PTPRB: variants seen among roughly 807,000 people sequenced by gnomAD.
The protein encoded by PTPRB is receptor-type tyrosine-protein phosphatase beta.
Under a neutral mutation model 238.1 loss-of-function variants are expected in PTPRB, and 97 were observed. The ratio of observed to expected loss-of-function variants is 0.41; its 90% CI spans 0.35 to 0.48. The LOEUF (loss-of-function observed/expected upper bound fraction) is 0.48, where lower values mean the gene tolerates loss of function less well. Among genes scored for constraint, PTPRB ranks in the 20% least tolerant of loss-of-function variants. The pLI is 0.30. For missense variants in PTPRB, 2,292 were observed against 2,681.9 expected, an observed-to-expected ratio of 0.85 and a Z score of 3.21; for synonymous variants, 970 against 995.4, an observed-to-expected ratio of 0.97 and a Z score of 0.48.
Position 70,569,798 on chromosome 12 carries a change from T to C in PTPRB, c.3511A>G (p.Thr1171Ala), listed in dbSNP as rs893347394. ...TGCTCAAAGACGTGCTTGGGAATAG[T>C]CTGAGAGTCAACCTTTTGACTGTGC... Reference protein sequence around the residue: ...FRHSQKVDSQTIPKHVFEHTF... With the variant: ...FRHSQKVDSQAIPKHVFEHTF... Residue 1171 changes from threonine to alanine, a missense_variant, in exon 14 of 34, where the codon ACT (threonine) becomes GCT (alanine). Physicochemically the swap from Thr to Ala is moderately conservative, Grantham distance 58. Transcript: ENST00000334414. The C allele has an allele frequency of 6.2e-7, 1 of 1,613,912 alleles. No homozygotes were observed. The highest frequency in any genetic ancestry group is 8.5e-7 in the Non-Finnish European group (1 of 1,179,886).
chr12:70,539,069 A>T, intron 26 of PTPRB, 55 bp from the exon 27 acceptor site: 1 of 1,317,740 alleles, frequency 7.6e-7, no homozygotes, highest in East Asian at 2.3e-5. Flanking sequence ...AATAAAGCAA[A>T]TCATACAGTC....
chr12:70,581,492 G>A (rs1881391005), intron 9 of PTPRB, among the ~76,000 whole-genome samples, 190 bp from the exon 10 acceptor site: 1 of 152,136 alleles, frequency 6.6e-6, no homozygotes, highest in African/African-American at 2.4e-5. Context: ...CTAGTACTTT[G>A]AAAAAGCTGC....
Position 70,552,784 on chromosome 12 carries a change from C to T in PTPRB, c.5380G>A (p.Ala1794Thr), listed in dbSNP as rs1877087303. ...FCDGPLKPHT[A>T]YRISIRAFTQ... ...AGTGGTAATATATCTAACCTGTAGG[C>T]AGTGTGTGGCTTCAGTGGTCCATCA... Residue 1794 changes from alanine to threonine, a missense_variant, in exon 21 of 34, where the codon GCC becomes ACC. This residue lies in a region of PTPRB where 7 missense variants were observed against 30.0 expected (regional missense o/e 0.23). Transcript: ENST00000334414. 2.5e-6 allele frequency: 4 copies of T among 1,613,946 alleles called. No homozygotes were observed. Among genetic ancestry groups the T allele is most frequent in the Non-Finnish European group, 3.4e-6 (4 of 1,179,850 alleles).
rs1872076914 is a variant in PTPRB, at chr12:70,524,653, ACT to A, written c.6505-64_6505-63del. On this transcript the variant is annotated intron_variant, in intron 32 of 33. Coordinates refer to ENST00000334414, the MANE Select transcript of PTPRB (RefSeq NM_001109754.4). The stretch of plus-strand genomic sequence containing the variant: ...TTCTCATGCATAAGAAAGATGAGAA[ACT>A]CACAAACTGTTGACAATGATGGGAT... 3.4e-6 allele frequency: 5 copies of A among 1,483,218 alleles called. No individual in the cohort carries two copies. The African/African-American group carries it at 7.1e-5, about 21-fold the overall frequency. 91.9% of individuals were successfully genotyped at this position (1,483,218 alleles called of 1,614,324 possible).
rs112500006 is a variant in PTPRB at position 70,594,540 on chromosome 12, G to A, written c.1443C>T (p.Gly481=). Residue 481 remains glycine (G), a synonymous_variant, in exon 6 of 34, where the codon GGC becomes GGT. Transcript: ENST00000334414. ...TCATAACAGTGAGGTTGTAGAGGTAGCCAGGGGTCAGCCCGTGAAAAGCAT... is the reference window on the plus strand; with the variant it reads ...TCATAACAGTGAGGTTGTAGAGGTAACCAGGGGTCAGCCCGTGAAAAGCAT... ...TSYAFHGLTP[G]YLYNLTVMTE... 3.0e-4 allele frequency: 481 copies of A among 1,613,854 alleles called. No individual in the cohort carries two copies. Among genetic ancestry groups the A allele is most frequent in the Non-Finnish European group, 3.8e-4 (453 of 1,179,896 alleles).
In PTPRB at chr12:70,553,012, C is replaced by T. The variant is rs2136300387; in HGVS notation, c.5152G>A (p.Glu1718Lys). The stretch of plus-strand genomic sequence containing the variant: ...GGGTGCTGCTGTTCTGGCTTCAGCT[C>T]ATCACTGCCTGGAGGAGAAAACCCA... ...VVVREADGSD[E>K]LKPEQQHPLP... Residue 1718 changes from glutamate (E) to lysine (K), a missense_variant, in exon 21 of 34, where the codon GAG (glutamate) becomes AAG (lysine). Physicochemically the swap from Glu to Lys is moderately conservative, Grantham distance 56 (BLOSUM62 1). Around this residue, in one of 4 missense-constraint regions of PTPRB, gnomAD observed 683 missense variants for 862.0 expected, o/e 0.79. Coordinates refer to ENST00000334414, the MANE Select transcript of PTPRB (RefSeq NM_001109754.4). 1 of 1,613,604 alleles carries T rather than the reference C, an allele frequency of 6.2e-7. No homozygotes were observed. Among genetic ancestry groups the T allele is most frequent in the Non-Finnish European group, 8.5e-7 (1 of 1,179,626 alleles).
intron 33 of PTPRB, among the ~76,000 whole-genome samples, chr12:70,523,638 G>A (rs1871926677): frequency 6.6e-6 from 1 of 152,080 alleles, no homozygotes; most frequent in South Asian, 2.1e-4. Context: ...GAGATACCTT[G>A]TGAAACTGCT....
chr12:70,531,207 C>T (rs1873184281), intron 32 of PTPRB, among the ~76,000 whole-genome samples: 2 of 152,082 alleles, frequency 1.3e-5, no homozygotes, highest in Non-Finnish European at 2.9e-5. Context: ...AGGAAGCTCT[C>T]TTTTTATGGA....
intron 4 of PTPRB, among the ~76,000 whole-genome samples, chr12:70,607,223 C>G (rs1592582590): frequency 6.6e-6 from 1 of 152,340 alleles, no homozygotes. Flanking sequence ...CAACCATATT[C>G]TGGCTTCTTA....
chr12:70,527,651 C>A (rs1872616751), intron 32 of PTPRB: 1 of 152,184 alleles, frequency 6.6e-6, no homozygotes, highest in South Asian at 2.1e-4. Context: ...TCACAAATCC[C>A]CTGACCAATG....
At chr12:70,556,180 G>C in intron 18 of PTPRB, 32 bp from the exon 19 acceptor site, 2 of 1,569,702 alleles carry the variant, frequency 1.3e-6, no homozygotes, top group Non-Finnish European at 1.7e-6. Flanking sequence ...ACACTTTTCA[G>C]AACTCAGGGA....
chr12:70,537,313 GAAAT>G (rs1874317256), intron 28 of PTPRB, among the ~76,000 whole-genome samples: 25 of 132,534 alleles, frequency 1.9e-4, no homozygotes, highest in African/African-American at 5.6e-4. Context: ...AAAAAAGAAA[GAAAT>G]ACAGATTCCC....
Position 70,576,370 on chromosome 12 carries a change from A to T in PTPRB, c.2842+12T>A. On this transcript the variant is annotated intron_variant, in intron 11 of 33. Transcript: ENST00000334414. ...GGTTCTTACGGAGCCCTGAACCTTCATACAGCCTTACCTGTCCGCTCTTGG... is the reference window on the plus strand; with the variant it reads ...GGTTCTTACGGAGCCCTGAACCTTCTTACAGCCTTACCTGTCCGCTCTTGG... The T allele has an allele frequency of 6.2e-7, 1 of 1,610,484 alleles. No homozygotes were observed. The highest frequency in any genetic ancestry group is 8.5e-7 in the Non-Finnish European group (1 of 1,178,524).
chr12:70,583,587 A>C (rs536785420), intron 9 of PTPRB, among the ~76,000 whole-genome samples: 6 of 152,288 alleles, frequency 3.9e-5, no homozygotes, highest in African/African-American at 1.4e-4. Flanking sequence ...AGTGAAATAA[A>C]TAGTCTCTCT....
At position 70,524,547 on chromosome 12, in the gene PTPRB, T is replaced by C; in HGVS notation, c.6549A>G (p.Arg2183=). The C allele has an allele frequency of 6.2e-7, 1 of 1,613,152 alleles. No homozygotes were observed. The part of the protein sequence containing the change: ...YLHQCVRDVL[R]ARKLRSEQEN... ...CTTGTTCACTCCGTAGCTTTCTTGC[T>C]CTGAGGACATCTCTTACACACTGAT... The change falls in exon 33 of 34, where the codon AGA becomes AGG. Residue 2183 remains arginine, a synonymous_variant. Transcript: ENST00000334414.
chr12:70,624,749 G>A (rs1453354178), intron 2 of PTPRB, among the ~76,000 whole-genome samples: 1 of 151,974 alleles, frequency 6.6e-6, no homozygotes, highest in Non-Finnish European at 1.5e-5. Flanking sequence ...TTAACCGTGG[G>A]GTTAGGACAA....
At chr12:70,627,956 G>T (rs765384406) in intron 2 of PTPRB, among the ~76,000 whole-genome samples, 4 of 152,080 alleles carry the variant, frequency 2.6e-5, no homozygotes, top group African/African-American at 9.7e-5. Flanking sequence ...TTTCCCAAGG[G>T]TGTATATGAT....
rs186414455 is a variant in PTPRB, at chr12:70,530,259, G to A, written c.6504+1776C>T. Among the ~76,000 whole-genome samples, 213 of 152,128 alleles carry A rather than the reference G, an allele frequency of 1.4e-3. 1 individual carries two copies. The highest frequency in any genetic ancestry group is 2.7e-3 in the South Asian group (13 of 4,814). ...ATATTAGGTGAGATTTAGGAATAAC[G>A]GTTAAGAAAGACATAGATGTGATAA... On this transcript the variant is annotated intron_variant, in intron 32 of 33. Coordinates refer to ENST00000334414, the MANE Select transcript of PTPRB (RefSeq NM_001109754.4).
At chr12:70,615,487 C>A (rs1884638477) in intron 3 of PTPRB, among the ~76,000 whole-genome samples, 1 of 152,168 alleles carries the variant, frequency 6.6e-6, no homozygotes, top group Non-Finnish European at 1.5e-5. Context: ...AGCCTCTTCC[C>A]CTCCCCTACT....
Sources: allele counts gnomAD v4.1 joint callset (sites outside exome capture counted in the v4.1 genomes callset), GRCh38; gene constraint gnomAD v4.1.1; regional missense constraint gnomAD v4.1.1; transcripts MANE v1.5; gene names NCBI Gene and HGNC (gene_info 2026-07-23, HGNC 2026-07-21).